Variants in PCDH17 observed in about 807,000 individuals in gnomAD.
The protein encoded by PCDH17 is protocadherin 17, also known as protocadherin-17.
Under a neutral mutation model 67.7 loss-of-function variants are expected in PCDH17, and 21 were observed. The ratio of observed to expected loss-of-function variants is 0.31; its 90% CI spans 0.22 to 0.45. The LOEUF (loss-of-function observed/expected upper bound fraction) is 0.45, where lower values mean the gene tolerates loss of function less well. PCDH17 is among the 20% of genes least tolerant of loss of function. PCDH17 has a pLI of 1.00. For missense variants in PCDH17, 1,471 were observed against 1,564.8 expected (o/e 0.94, Z 1.01); for synonymous variants, 701 against 656.7 (o/e 1.07, Z -1.03).
At chr13:57,714,549 A>G (rs927342905) in intron 3 of PCDH17, among the ~76,000 whole-genome samples, 6 of 151,770 alleles carry the variant, frequency 4.0e-5, no homozygotes, top group African/African-American at 1.2e-4. Flanking sequence ...CCAAAGATGA[A>G]GGATAGTAGA....
chr13:57,717,281 A>T (rs568927659), intron 3 of PCDH17, among the ~76,000 whole-genome samples: 1 of 152,070 alleles, frequency 6.6e-6, no homozygotes, highest in East Asian at 1.9e-4. Flanking sequence ...TTGTGCCATA[A>T]ATTCCCAATG....
intron 3 of PCDH17, among the ~76,000 whole-genome samples, chr13:57,699,821 T>A (rs559692182): frequency 1.3e-5 from 2 of 152,158 alleles, no homozygotes; most frequent in East Asian, 1.9e-4. Context: ...TTTAAAATAT[T>A]AAAAATGTAT....
chr13:57,681,003 A>T (rs1204073646), intron 3 of PCDH17, among the ~76,000 whole-genome samples: 1 of 151,810 alleles, frequency 6.6e-6, no homozygotes, highest in Non-Finnish European at 1.5e-5. Flanking sequence ...TAAAGAAAAA[A>T]TTATTAAACA....
Position 57,633,555 on chromosome 13 carries a change from G to A in PCDH17, c.1009G>A (p.Val337Ile), listed in dbSNP as rs141079634. 290 of 1,613,658 alleles carry A rather than the reference G, an allele frequency of 1.8e-4. No individual in the cohort carries two copies. Among genetic ancestry groups the A allele is most frequent in the Admixed American group, 4.5e-4 (27 of 60,006 alleles). Residue 337 changes from valine to isoleucine, a missense_variant, in exon 1 of 4, where the codon GTC (valine) becomes ATC (isoleucine). Physicochemically the swap from Val to Ile is conservative, Grantham distance 29. Coordinates refer to ENST00000377918, the MANE Select transcript of PCDH17 (RefSeq NM_001040429.3). This position sits in a 1 kb window ranked among gnomAD's most constrained non-coding sequence, Gnocchi z 6.2. The part of the protein sequence containing the change: ...GPNPIPAHCK[V>I]TVKLIDRNDN... ...TAACCCTATCCCAGCCCACTGCAAAGTCACGGTCAAGCTCATCGACCGCAA... is the reference window on the plus strand; with the variant it reads ...TAACCCTATCCCAGCCCACTGCAAAATCACGGTCAAGCTCATCGACCGCAA...
At chr13:57,680,389 TG>T (rs1302788484) in intron 3 of PCDH17, among the ~76,000 whole-genome samples, 1 of 151,524 alleles carries the variant, frequency 6.6e-6, no homozygotes, top group African/African-American at 2.4e-5. Flanking sequence ...AATTTAGAAA[TG>T]GCAAATAAAT....
chr13:57,701,878 A>C (rs1955665913), intron 3 of PCDH17, among the ~76,000 whole-genome samples: 1 of 152,148 alleles, frequency 6.6e-6, no homozygotes, highest in Non-Finnish European at 1.5e-5. Context: ...TAAGTGTATT[A>C]AAGTTTTTAA....
chr13:57,708,658 GA>G (rs1277961433), intron 3 of PCDH17, among the ~76,000 whole-genome samples: 12 of 151,836 alleles, frequency 7.9e-5, no homozygotes, highest in East Asian at 1.9e-4. Context: ...GCAACAGTGA[GA>G]AAAAAACCAT....
chr13:57,652,345 AT>A (rs1191502106), intron 1 of PCDH17, among the ~76,000 whole-genome samples: 1 of 151,790 alleles, frequency 6.6e-6, no homozygotes, highest in African/African-American at 2.4e-5. Flanking sequence ...TGGAGTACTA[AT>A]TAATTTTACT....
At chr13:57,690,670 A>G (rs1417426715) in intron 3 of PCDH17, among the ~76,000 whole-genome samples, 1 of 151,696 alleles carries the variant, frequency 6.6e-6, no homozygotes, top group Non-Finnish European at 1.5e-5. Context: ...ATGTATACTT[A>G]TGATGAAAGA....
At chr13:57,641,953 T>C (rs995331285) in intron 1 of PCDH17, among the ~76,000 whole-genome samples, 1 of 151,592 alleles carries the variant, frequency 6.6e-6, no homozygotes, top group African/African-American at 2.4e-5. Flanking sequence ...GACTTTGGTC[T>C]GATTAGAGGA....
Position 57,632,473 on chromosome 13 carries a change from G to T in PCDH17, c.-74G>T, listed in dbSNP as rs940079419. The T allele has an allele frequency of 5.5e-6, 8 of 1,466,456 alleles. No individual in the cohort carries two copies. Among genetic ancestry groups the T allele is most frequent in the Non-Finnish European group, 7.4e-6 (8 of 1,086,962 alleles). The allele number at this position is 1,466,456 out of a possible 1,614,324, so 90.8% of individuals were successfully genotyped here. A position where few individuals can be genotyped will look rare whatever the true frequency, so the allele number is the denominator to read the frequency against. On this transcript the variant is annotated 5_prime_UTR_variant, in exon 1 of 4. Coordinates refer to ENST00000377918, the MANE Select transcript of PCDH17 (RefSeq NM_001040429.3). ...CGTCGCGCGCGCACGCTGCGCCAGG[G>T]CCCCAGGCTGGCGCGCACTCCCTCT... is the stretch of plus-strand genomic sequence containing the variant.
Position 57,633,637 on chromosome 13 carries a change from C to T in PCDH17, c.1091C>T (p.Ala364Val). ...VSVRQGALSE[A>V]APPGTVIALV... Reference sequence around the variant, plus strand: ...GTGCGCCAGGGGGCGCTGAGCGAGGCCGCCCCTCCCGGCACCGTCATCGCC... The same window carrying T: ...GTGCGCCAGGGGGCGCTGAGCGAGGTCGCCCCTCCCGGCACCGTCATCGCC... Residue 364 changes from alanine (A) to valine (V), a missense_variant, in exon 1 of 4, where the codon GCC (alanine) becomes GTC (valine). Ala to Val is a moderately conservative substitution (Grantham distance 64). Coordinates refer to ENST00000377918, the MANE Select transcript of PCDH17 (RefSeq NM_001040429.3). This position sits in a 1 kb window ranked among gnomAD's most constrained non-coding sequence, Gnocchi z 6.2. The T allele has an allele frequency of 6.2e-7, 1 of 1,609,010 alleles. No homozygotes were observed. The highest frequency in any genetic ancestry group is 8.5e-7 in the Non-Finnish European group (1 of 1,180,010).
rs962863733 is a variant in PCDH17, at chr13:57,688,077, AC to A, written c.2797+21251del. Reference sequence around the variant, plus strand: ...AAAAGCTTAATTCAATCATTCTCCTACCCCCCCACCCCATTTTTTTTAAAAC... The same window carrying A: ...AAAAGCTTAATTCAATCATTCTCCTACCCCCCACCCCATTTTTTTTAAAAC... On this transcript the variant is annotated intron_variant, in intron 3 of 3. Coordinates refer to ENST00000377918, the MANE Select transcript of PCDH17 (RefSeq NM_001040429.3). Among the ~76,000 whole-genome samples the A allele has an allele frequency of 4.6e-5, 7 of 151,272 alleles. No individual in the cohort carries two copies. In the East Asian group the frequency reaches 9.8e-4, roughly 21 times the overall value.
chr13:57,680,932 A>T (rs2138047543), intron 3 of PCDH17, among the ~76,000 whole-genome samples: 1 of 151,916 alleles, frequency 6.6e-6, no homozygotes, highest in Middle Eastern at 3.4e-3. Context: ...ATAAATATAC[A>T]ACAAACCATA....
At position 57,724,777 on chromosome 13, in the gene PCDH17, A is replaced by G. The variant is rs962634596; in HGVS notation, c.2963A>G (p.Glu988Gly). The change falls in exon 4 of 4, where the codon GAA (glutamate) becomes GGA (glycine). Residue 988 changes from glutamate to glycine, a missense_variant. Around this residue, in one of 3 missense-constraint regions of PCDH17, gnomAD observed 297 missense variants for 298.6 expected, o/e 0.99. Coordinates refer to ENST00000377918, the MANE Select transcript of PCDH17 (RefSeq NM_001040429.3). ...GCTAATGTTGAGACTGAGACTTACG[A>G]AACTGTGAATCCCACTGGGAAAAAG... ...VEANVETETY[E>G]TVNPTGKKTF... The G allele has an allele frequency of 3.7e-6, 6 of 1,614,188 alleles. No individual in the cohort carries two copies. The highest frequency in any genetic ancestry group is 5.1e-6 in the Non-Finnish European group (6 of 1,180,032).
At chr13:57,668,654 A>T (rs1016265610) in intron 3 of PCDH17, among the ~76,000 whole-genome samples, 1 of 152,078 alleles carries the variant, frequency 6.6e-6, no homozygotes, top group African/African-American at 2.4e-5. Context: ...ATTATTATTT[A>T]AAAAATGCCA....
At chr13:57,701,971 G>A (rs1449845141) in intron 3 of PCDH17, among the ~76,000 whole-genome samples, 1 of 152,030 alleles carries the variant, frequency 6.6e-6, no homozygotes, top group African/African-American at 2.4e-5. Flanking sequence ...AGGCTGGAGT[G>A]CAGTGGCATG....
At chr13:57,674,960 G>C (rs1593918654) in intron 3 of PCDH17, among the ~76,000 whole-genome samples, 1 of 151,852 alleles carries the variant, frequency 6.6e-6, no homozygotes, top group Non-Finnish European at 1.5e-5. Context: ...TAGTGGCAAA[G>C]GCAATACTAG....
At chr13:57,703,638 C>T (rs1195489061) in intron 3 of PCDH17, among the ~76,000 whole-genome samples, 1 of 152,076 alleles carries the variant, frequency 6.6e-6, no homozygotes, top group Non-Finnish European at 1.5e-5. Context: ...TTTTTTAGAA[C>T]AATTGCACAG....
Sources: gnomAD v4.1 joint callset for allele counts (sites outside exome capture counted in the v4.1 genomes callset) on GRCh38, gnomAD v4.1.1 for gene constraint, gnomAD v4.1.1 regional missense constraint, Gnocchi (gnomAD v3.1) non-coding constraint, MANE v1.5 for transcripts, NCBI Gene and HGNC (gene_info 2026-07-23, HGNC 2026-07-21) for gene names.